The following NXN variants were observed in gnomAD, a reference collection of about 807,000 sequenced individuals.
NXN encodes the protein nucleoredoxin.
In NXN, 16 loss-of-function variants were observed where a neutral mutation model predicts 48.6. The ratio of observed to expected loss-of-function variants is 0.33; its 90% CI spans 0.22 to 0.50. NXN has a LOEUF of 0.50. NXN is among the 20% of genes least tolerant of loss of function. The pLI is 0.98. For synonymous variants in NXN, 281 were observed against 269.6 expected (o/e 1.04, Z -0.41); for missense variants, 492 against 605.5 (o/e 0.81, Z 1.97).
rs79700491 is a variant in NXN, at chr17:947,090, G to A, written c.360+32229C>T. On this transcript the variant is annotated intron_variant, in intron 1 of 7. Transcript: ENST00000336868. ...GCACGGGCCCCCCACTCAGTGAAAA[G>A]CATCCTCTCACTCTTAGGCTTGTCA... Among the ~76,000 whole-genome samples, 110 of 152,252 alleles carry A rather than the reference G, an allele frequency of 7.2e-4. 1 individual carries two copies. In the East Asian group the frequency reaches 0.019, roughly 26 times the overall value.
intron 1 of NXN, among the ~76,000 whole-genome samples, chr17:970,932 C>A (rs9902272): frequency 6.7e-6 from 1 of 149,998 alleles, no homozygotes; most frequent in South Asian, 2.1e-4. Context: ...GACAGGTCTG[C>A]AGATATGAGA....
intron 1 of NXN, among the ~76,000 whole-genome samples, chr17:933,049 C>T (rs1415293935): frequency 2.0e-5 from 3 of 152,220 alleles, no homozygotes; most frequent in East Asian, 1.9e-4. Context: ...CCCAAGTGGG[C>T]GAAAAAGTCC....
chr17:864,683 T>C (rs947902020), intron 1 of NXN, among the ~76,000 whole-genome samples: 1 of 152,188 alleles, frequency 6.6e-6, no homozygotes, highest in African/African-American at 2.4e-5. Flanking sequence ...CTTTCCAACC[T>C]GATTATAAGA....
chr17:853,702 C>CATATATATATATAT (rs571601948), intron 1 of NXN, among the ~76,000 whole-genome samples: 30 of 119,292 alleles, frequency 2.5e-4, no homozygotes, highest in Middle Eastern at 9.8e-3. Flanking sequence ...CTGTTATACA[C>CATATATATATATAT]ATATATATAT....
intron 1 of NXN, among the ~76,000 whole-genome samples, chr17:845,268 A>G (rs1375227316): frequency 1.3e-5 from 2 of 151,822 alleles, no homozygotes; most frequent in African/African-American, 4.8e-5. Context: ...AATCACCCTT[A>G]CAGACTCAAC....
intron 1 of NXN, among the ~76,000 whole-genome samples, chr17:915,598 T>C (rs1210342817): frequency 1.3e-5 from 2 of 152,184 alleles, no homozygotes; most frequent in East Asian, 3.8e-4. Context: ...AGGAAATTAT[T>C]TCTAAGAAAG....
intron 1 of NXN, among the ~76,000 whole-genome samples, chr17:854,528 A>G (rs766374458): frequency 9.9e-5 from 15 of 151,248 alleles, no homozygotes; most frequent in South Asian, 2.1e-4. Context: ...GGTGGCGGGC[A>G]CCTGTAGTCC....
At chr17:900,468 A>G (rs1002731438) in intron 1 of NXN, among the ~76,000 whole-genome samples, 5 of 152,114 alleles carry the variant, frequency 3.3e-5, no homozygotes, top group Admixed American at 2.6e-4. Context: ...TCTTGCAGGA[A>G]CAGAGAGGCA....
At chr17:896,864 C>A in intron 1 of NXN, 1 of 712,434 alleles carries the variant, frequency 1.4e-6, no homozygotes, top group Non-Finnish European at 2.1e-6. Context: ...ACCACCCGCC[C>A]CCGGCCCCTC....
rs1057495590 is a variant in NXN at position 849,664 on chromosome 17, C to G, written c.361-23586G>C. Among the ~76,000 whole-genome samples, 1 of 152,198 alleles carries G rather than the reference C, an allele frequency of 6.6e-6. No individual in the cohort carries two copies. The highest frequency in any genetic ancestry group is 1.5e-5 in the Non-Finnish European group (1 of 68,036). On this transcript the variant is annotated intron_variant, in intron 1 of 7. Transcript: ENST00000336868. The surrounding 1 kb of genome is among the most constrained non-coding windows in gnomAD (Gnocchi z 4.2). ...GTCCTCTGGCGGCCAGCTGCCTCAT[C>G]CCTTTACCTCCGCAGACAAGCAATC...
intron 1 of NXN, among the ~76,000 whole-genome samples, chr17:943,402 A>G (rs946862751): frequency 6.6e-6 from 1 of 152,144 alleles, no homozygotes; most frequent in Non-Finnish European, 1.5e-5. Context: ...AGGCCCAGAG[A>G]GGCCCCGAGT....
chr17:943,555 C>T (rs1041987129), intron 1 of NXN, among the ~76,000 whole-genome samples: 1 of 152,222 alleles, frequency 6.6e-6, no homozygotes, highest in African/African-American at 2.4e-5. Flanking sequence ...GGCACAGTGG[C>T]TCACGCCTGT....
chr17:976,234 G>C (rs1283795151), intron 1 of NXN, among the ~76,000 whole-genome samples: 1 of 151,272 alleles, frequency 6.6e-6, no homozygotes, highest in Non-Finnish European at 1.5e-5. Context: ...AAGGTGAGAG[G>C]AACCAGGCAA....
At chr17:868,391 G>A (rs2068114813) in intron 1 of NXN, among the ~76,000 whole-genome samples, 1 of 152,126 alleles carries the variant, frequency 6.6e-6, no homozygotes, top group Non-Finnish European at 1.5e-5. Flanking sequence ...GCAGGGTGAG[G>A]GAGCTCCTCC....
intron 7 of NXN, 143 bp downstream of exon 7, chr17:803,539 G>T: frequency 2.0e-6 from 2 of 1,010,078 alleles, no homozygotes; most frequent in Non-Finnish European, 2.9e-6. Flanking sequence ...ACCTTTCCTT[G>T]CCACATTTGT....
At chr17:806,026 G>A (rs1382066237) in intron 5 of NXN, among the ~76,000 whole-genome samples, 30 of 152,038 alleles carry the variant, frequency 2.0e-4, no homozygotes, top group Non-Finnish European at 1.2e-4. Flanking sequence ...TCCTCGCCCG[G>A]CCACAGTGAG....
At chr17:943,975 C>T (rs779070484) in intron 1 of NXN, among the ~76,000 whole-genome samples, 38 of 152,226 alleles carry the variant, frequency 2.5e-4, no homozygotes, top group Middle Eastern at 3.4e-3. Flanking sequence ...CGGTGGCTCA[C>T]GCCTGTAATC....
intron 1 of NXN, among the ~76,000 whole-genome samples, chr17:837,323 C>A (rs1157352679): frequency 6.6e-6 from 1 of 152,138 alleles, no homozygotes; most frequent in Non-Finnish European, 1.5e-5. Context: ...GTCCTCATAT[C>A]CCCAGAGGTA....
intron 1 of NXN, among the ~76,000 whole-genome samples, chr17:976,597 C>G (rs1034855331): frequency 6.6e-6 from 1 of 152,172 alleles, no homozygotes; most frequent in Non-Finnish European, 1.5e-5. Context: ...CGTGTTCACC[C>G]ATCCAGTGCC....
Sources: gnomAD v4.1 joint callset for allele counts (sites outside exome capture counted in the v4.1 genomes callset) on GRCh38, gnomAD v4.1.1 for gene constraint, Gnocchi (gnomAD v3.1) non-coding constraint, MANE v1.5 for transcripts, NCBI Gene and HGNC (gene_info 2026-07-23, HGNC 2026-07-21) for gene names.